Variants in RNGTT observed in about 807,000 individuals in gnomAD.
RNGTT encodes mRNA-capping enzyme.
RNGTT carries 33 observed loss-of-function variants against 79.3 expected under a neutral mutation model. That is an observed-to-expected ratio of 0.42 (90% CI 0.32 to 0.56). The LOEUF (loss-of-function observed/expected upper bound fraction) is 0.56, where lower values mean the gene tolerates loss of function less well. RNGTT is among the 20% of genes least tolerant of loss of function. The pLI, the probability that RNGTT is intolerant of heterozygous loss-of-function variation, is 0.17. For synonymous variants in RNGTT, 222 were observed against 235.9 expected (o/e 0.94, Z 0.54); for missense variants, 497 against 739.1 (o/e 0.67, Z 3.80).
intron 1 of RNGTT, among the ~76,000 whole-genome samples, chr6:88,942,718 T>C (rs773923196): frequency 6.6e-6 from 1 of 152,186 alleles, no homozygotes; most frequent in Non-Finnish European, 1.5e-5. Flanking sequence ...CTAAGTGAAG[T>C]CTTAACATCT....
chr6:88,724,845 AAACC>A (rs1338670407), intron 13 of RNGTT, among the ~76,000 whole-genome samples: 1 of 152,104 alleles, frequency 6.6e-6, no homozygotes, highest in Non-Finnish European at 1.5e-5. Flanking sequence ...TTTTCCCGCC[AAACC>A]ACTCATCCTG....
intron 11 of RNGTT, among the ~76,000 whole-genome samples, chr6:88,816,640 T>G (rs148604196): frequency 3.0e-4 from 45 of 152,286 alleles, no homozygotes; most frequent in Non-Finnish European, 5.1e-4. Context: ...CCAATTTAAA[T>G]TTATTACTCT....
intron 13 of RNGTT, among the ~76,000 whole-genome samples, chr6:88,728,525 C>T (rs1776998543): frequency 6.6e-6 from 1 of 152,216 alleles, no homozygotes; most frequent in Non-Finnish European, 1.5e-5. Context: ...TAAAACCATA[C>T]ATTCATTTTA....
chr6:88,617,386 C>T (rs192023489), intron 14 of RNGTT, among the ~76,000 whole-genome samples: 1 of 152,238 alleles, frequency 6.6e-6, no homozygotes, highest in African/African-American at 2.4e-5. Context: ...GGTTCAACTT[C>T]ATTCTTTTGC....
At chr6:88,678,955 G>C (rs548147378) in intron 13 of RNGTT, among the ~76,000 whole-genome samples, 118 of 152,186 alleles carry the variant, frequency 7.8e-4, no homozygotes, top group Admixed American at 3.4e-3. Context: ...GTTACACTGA[G>C]TGTGCCTGCC....
chr6:88,621,091 T>TA (rs1286044014), intron 14 of RNGTT, among the ~76,000 whole-genome samples: 1 of 152,182 alleles, frequency 6.6e-6, no homozygotes, highest in East Asian at 1.9e-4. Context: ...AGGTGCTGTG[T>TA]ATGAGGCAAC....
At chr6:88,812,212 T>C (rs1013132526) in intron 11 of RNGTT, among the ~76,000 whole-genome samples, 1 of 152,242 alleles carries the variant, frequency 6.6e-6, no homozygotes, top group Non-Finnish European at 1.5e-5. Context: ...TGCAATACTA[T>C]TGTTGGCTCT....
intron 13 of RNGTT, among the ~76,000 whole-genome samples, chr6:88,765,779 G>C (rs1001691410): frequency 2.0e-5 from 3 of 152,084 alleles, no homozygotes; most frequent in Non-Finnish European, 4.4e-5. Flanking sequence ...TACTGTCAAG[G>C]TTATTTTAAG....
chr6:88,801,386 T>C (rs747278052), intron 12 of RNGTT, among the ~76,000 whole-genome samples, 178 bp downstream of exon 12: 59 of 152,334 alleles, frequency 3.9e-4, no homozygotes, highest in Non-Finnish European at 6.0e-4. Flanking sequence ...TATTTAGATA[T>C]AAATAAAATC....
intron 1 of RNGTT, among the ~76,000 whole-genome samples, chr6:88,961,973 A>G (rs918064846): frequency 1.3e-5 from 2 of 152,248 alleles, no homozygotes; most frequent in Admixed American, 6.5e-5. Flanking sequence ...TCTGCAATAA[A>G]AAAGGAATAA....
chr6:88,934,980 T>G (rs778252400), intron 2 of RNGTT, among the ~76,000 whole-genome samples: 3 of 152,220 alleles, frequency 2.0e-5, no homozygotes, highest in Admixed American at 6.6e-5. Context: ...TTTGAGGTCT[T>G]AGCCATAAAA....
At chr6:88,651,392 G>C (rs970018150) in intron 14 of RNGTT, among the ~76,000 whole-genome samples, 16 of 152,188 alleles carry the variant, frequency 1.1e-4, no homozygotes, top group African/African-American at 3.9e-4. Flanking sequence ...TCTGTAACTG[G>C]AATGTTTAAA....
chr6:88,894,217 C>T (rs887151529), intron 6 of RNGTT, among the ~76,000 whole-genome samples: 8 of 152,136 alleles, frequency 5.3e-5, no homozygotes, highest in Non-Finnish European at 4.4e-5. Context: ...CATTTTTAAC[C>T]AGTGTTAGAA....
At chr6:88,856,820 G>C (rs1781860848) in intron 8 of RNGTT, among the ~76,000 whole-genome samples, 1 of 152,174 alleles carries the variant, frequency 6.6e-6, no homozygotes, top group African/African-American at 2.4e-5. Flanking sequence ...AAAGCAGCCA[G>C]ATTCTTTAAA....
intron 8 of RNGTT, among the ~76,000 whole-genome samples, chr6:88,864,654 C>T (rs1562292082): frequency 6.6e-6 from 1 of 152,108 alleles, no homozygotes; most frequent in Non-Finnish European, 1.5e-5. Context: ...TTCATGTCCA[C>T]AGCAGCCTTA....
intron 4 of RNGTT, among the ~76,000 whole-genome samples, chr6:88,907,756 T>TA (rs1434633588): frequency 1.4e-5 from 2 of 147,138 alleles, no homozygotes; most frequent in East Asian, 2.0e-4. Flanking sequence ...TTTTTTTTTT[T>TA]AGAGACAGGA....
At chr6:88,961,561 C>T (rs771867075) in intron 1 of RNGTT, among the ~76,000 whole-genome samples, 10 of 152,272 alleles carry the variant, frequency 6.6e-5, no homozygotes, top group South Asian at 2.1e-4. Flanking sequence ...CTCGGCCTCC[C>T]GAGTAGCTGG....
chr6:88,860,430 T>A (rs1397992825), intron 8 of RNGTT, among the ~76,000 whole-genome samples: 1 of 152,202 alleles, frequency 6.6e-6, no homozygotes, highest in Non-Finnish European at 1.5e-5. Context: ...GACCAGACTA[T>A]CCATGTTCCT....
intron 11 of RNGTT, among the ~76,000 whole-genome samples, chr6:88,806,567 G>A (rs866045476): frequency 1.6e-4 from 25 of 151,878 alleles, no homozygotes; most frequent in East Asian, 3.9e-4. Flanking sequence ...TGCCTGCCTC[G>A]GCCTCCTAAA....
Sources: allele counts gnomAD v4.1 joint callset (sites outside exome capture counted in the v4.1 genomes callset), GRCh38; gene constraint gnomAD v4.1.1; transcripts MANE v1.5; gene names NCBI Gene and HGNC (gene_info 2026-07-23, HGNC 2026-07-21).